The following STAT5A variants were observed in gnomAD, a reference collection of about 807,000 sequenced individuals.
STAT5A encodes the protein epididymis secretory sperm binding protein.
STAT5A carries 26 observed loss-of-function variants against 100.2 expected under a neutral mutation model. The ratio of observed to expected loss-of-function variants is 0.26; its 90% confidence interval spans 0.19 to 0.36. STAT5A has a LOEUF of 0.36. Ranked by LOEUF, STAT5A falls within the 10% of genes least tolerant of loss-of-function variation. STAT5A has a pLI of 1.00. For missense variants in STAT5A, 634 were observed against 1,027.5 expected, an observed-to-expected ratio of 0.62 and a Z score of 5.24; for synonymous variants, 330 against 424.3, an observed-to-expected ratio of 0.78 and a Z score of 2.73.
Position 42,311,075 on chromosome 17 carries a change from G to A in STAT5A, c.*406G>A. The A allele has an allele frequency of 4.3e-6, 1 of 231,502 alleles. No individual in the cohort carries two copies. Among genetic ancestry groups the A allele is most frequent in the Admixed American group, 4.8e-5 (1 of 20,988 alleles). The allele number at this position is 231,502 out of a possible 1,614,324, so 14.3% of individuals were successfully genotyped here. ...CTGAAGTTTCACTCCGGAGTGAGAAGCTTTGCCCTCCTAAGAGAGAGAGAC... is the reference window on the plus strand; with the variant it reads ...CTGAAGTTTCACTCCGGAGTGAGAAACTTTGCCCTCCTAAGAGAGAGAGAC... On this transcript the variant is annotated 3_prime_UTR_variant, in exon 19 of 19. Transcript: ENST00000590949.
At chr17:42,298,152 G>C (rs9916125) in intron 5 of STAT5A, among the ~76,000 whole-genome samples, 38,317 of 150,422 alleles carry the variant, frequency 0.25, 5,663 homozygotes, top group African/African-American at 0.41. Context: ...TGTGTCTTAC[G>C]TATTTCATAA....
Position 42,304,896 on chromosome 17 carries a change from C to CTG in STAT5A, c.1380+247_1380+248dup, listed in dbSNP as rs1234058068. On this transcript the variant is annotated intron_variant, in intron 11 of 18. Transcript: ENST00000590949. This position sits in a 1 kb window ranked among gnomAD's most constrained non-coding sequence, Gnocchi z 4.8. Reference sequence around the variant, plus strand: ...TGCTGGGAGGGGCTTGTGTTTGGAACTGTGGGTGAGGAAAGTGGGTTGGGA... The same window carrying CTG: ...TGCTGGGAGGGGCTTGTGTTTGGAACTGTGTGGGTGAGGAAAGTGGGTTGGGA... 1.3e-5 allele frequency among the ~76,000 whole-genome samples: 2 copies of CTG among 152,162 alleles called. No individual in the cohort carries two copies. The highest frequency in any genetic ancestry group is 1.9e-4 in the East Asian group (1 of 5,188).
chr17:42,299,270 G>A (rs1464760201), intron 5 of STAT5A, among the ~76,000 whole-genome samples: 2 of 152,190 alleles, frequency 1.3e-5, no homozygotes, highest in African/African-American at 4.8e-5. Context: ...CATCTTCCAT[G>A]TCCTCATGTA....
rs1275760785 is a variant in STAT5A, at chr17:42,289,365, T to C, written c.-10-37T>C. 3.2e-6 allele frequency: 5 copies of C among 1,567,330 alleles called. No individual in the cohort carries two copies. The Admixed American group carries it at 9.1e-5, about 29-fold the overall frequency. On this transcript the variant is annotated intron_variant, in intron 1 of 18. Transcript: ENST00000590949. ...GGGGCAGGCCCGGTTCCTTGGCCTCTGCAGAGGAGAGCGCTTCAGCGCTCG... is the reference window on the plus strand; with the variant it reads ...GGGGCAGGCCCGGTTCCTTGGCCTCCGCAGAGGAGAGCGCTTCAGCGCTCG...
At position 42,300,360 on chromosome 17, in the gene STAT5A, TC is replaced by T. The variant is rs2080965020; in HGVS notation, c.833+81del. 7 of 1,519,224 alleles carry T rather than the reference TC, an allele frequency of 4.6e-6. No homozygotes were observed. In the South Asian group the frequency reaches 8.6e-5, roughly 19 times the overall value. The allele number at this position is 1,519,224 out of a possible 1,614,324, so 94.1% of individuals were successfully genotyped here. A position where few individuals can be genotyped will look rare whatever the true frequency, so the allele number is the denominator to read the frequency against. ...GGCTGCTTCTGCGTCCTGTGCTGGC[TC>T]CTGCAGCAGGCCCCCTCCATCCTGG... is the stretch of plus-strand genomic sequence containing the variant. On this transcript the variant is annotated intron_variant, in intron 7 of 18. Transcript: ENST00000590949.
At chr17:42,290,676 CA>C (rs1334994247) in intron 3 of STAT5A, among the ~76,000 whole-genome samples, 1 of 152,166 alleles carries the variant, frequency 6.6e-6, no homozygotes, top group African/African-American at 2.4e-5. Flanking sequence ...TATAGGAGGC[CA>C]GGGGCAGGAT....
intron 5 of STAT5A, among the ~76,000 whole-genome samples, chr17:42,297,511 C>G (rs2144519414): frequency 6.6e-6 from 1 of 152,054 alleles, no homozygotes; most frequent in African/African-American, 2.4e-5. Flanking sequence ...TCAGCAGAAA[C>G]ACAGACTATT....
chr17:42,310,727 G>T lies in STAT5A; in HGVS notation c.*58G>T. 1.2e-6 allele frequency: 2 copies of T among 1,608,332 alleles called. No individual in the cohort carries two copies. The highest frequency in any genetic ancestry group is 1.7e-6 in the Non-Finnish European group (2 of 1,176,526). On this transcript the variant is annotated 3_prime_UTR_variant, in exon 19 of 19. Transcript: ENST00000590949. Reference sequence around the variant, plus strand: ...ATATGCAATGTGAAGCGGTCGTGTTGTGAGTTTAGTAAGGCTGTGTACACT... The same window carrying T: ...ATATGCAATGTGAAGCGGTCGTGTTTTGAGTTTAGTAAGGCTGTGTACACT...
intron 17 of STAT5A, 48 bp from the exon 18 acceptor site, chr17:42,309,329 T>C: frequency 6.2e-7 from 1 of 1,604,740 alleles, no homozygotes; most frequent in Non-Finnish European, 8.5e-7. Context: ...CCAAGTCAGC[T>C]GCCCCGGCCT....
intron 4 of STAT5A, among the ~76,000 whole-genome samples, chr17:42,292,786 C>T (rs2080883440): frequency 6.6e-6 from 1 of 151,946 alleles, no homozygotes; most frequent in African/African-American, 2.4e-5. Flanking sequence ...ACCACCATGC[C>T]CGGCTAATTT....
chr17:42,307,094 C>A (rs2081036458), intron 13 of STAT5A, among the ~76,000 whole-genome samples: 1 of 152,130 alleles, frequency 6.6e-6, no homozygotes, highest in African/African-American at 2.4e-5. Flanking sequence ...AGTTTCCCCA[C>A]CTGTAAAATG....
chr17:42,292,677 A>G (rs1006750963), intron 4 of STAT5A, among the ~76,000 whole-genome samples: 2 of 146,178 alleles, frequency 1.4e-5, no homozygotes, highest in African/African-American at 5.1e-5. Flanking sequence ...CCCAGGCTGG[A>G]GTGCAGTGAT....
chr17:42,310,574 G>T lies in STAT5A; in HGVS notation c.2290G>T (p.Val764Leu), dbSNP rs1029737475. Residue 764 changes from valine (V) to leucine (L), a missense_variant, in exon 19 of 19, where the codon GTG becomes TTG. By Grantham distance (32) the Val-to-Leu change is conservative. Transcript: ENST00000590949. ...TGAGACCATGGATGTGGCCAGGCACGTGGAGGAACTCTTACGCCGACCAAT... is the reference window on the plus strand; with the variant it reads ...TGAGACCATGGATGTGGCCAGGCACTTGGAGGAACTCTTACGCCGACCAAT... ...LDETMDVARH[V>L]EELLRRPMDS... 1 of 1,614,234 alleles carries T rather than the reference G, an allele frequency of 6.2e-7. No individual in the cohort carries two copies. The highest frequency in any genetic ancestry group is 1.7e-5 in the Admixed American group (1 of 60,034).
At position 42,304,739 on chromosome 17, in the gene STAT5A, A is replaced by G; in HGVS notation, c.1380+87A>G. 2.5e-6 allele frequency: 4 copies of G among 1,577,036 alleles called. No homozygotes were observed. The highest frequency in any genetic ancestry group is 1.2e-5 in the South Asian group (1 of 84,202). ...CCTCAGGACTCCTGGCAGCAATGCCATCGGACAGCCTGCTTTGACTCTGTG... is the reference window on the plus strand; with the variant it reads ...CCTCAGGACTCCTGGCAGCAATGCCGTCGGACAGCCTGCTTTGACTCTGTG... On this transcript the variant is annotated intron_variant, in intron 11 of 18. Transcript: ENST00000590949. This position sits in a 1 kb window ranked among gnomAD's most constrained non-coding sequence, Gnocchi z 4.8.
In STAT5A at chr17:42,308,260, G is replaced by A; in HGVS notation, c.1989G>A (p.Leu663=). 6.2e-7 allele frequency: 1 copy of A among 1,614,204 alleles called. No homozygotes were observed. The highest frequency in any genetic ancestry group is 8.5e-7 in the Non-Finnish European group (1 of 1,180,034). Residue 663 remains leucine, a synonymous_variant, in exon 16 of 19, where the codon CTG becomes CTA. Transcript: ENST00000590949. This position sits in a 1 kb window ranked among gnomAD's most constrained non-coding sequence, Gnocchi z 4.6. ...IRSLADRLGD[L]SYLIYVFPDR... ...CCCTGGCTGACCGGCTGGGGGACCT[G>A]AGCTATCTCATCTATGTGTTTCCTG...
At position 42,307,513 on chromosome 17, in the gene STAT5A, G is replaced by T. The variant is rs1317929846; in HGVS notation, c.1775+17G>T. 6.2e-7 allele frequency: 1 copy of T among 1,613,980 alleles called. No homozygotes were observed. The highest frequency in any genetic ancestry group is 8.5e-7 in the Non-Finnish European group (1 of 1,180,012). On this transcript the variant is annotated intron_variant, in intron 14 of 18. Coordinates refer to ENST00000590949, the MANE Select transcript of STAT5A (RefSeq NM_001288718.2). The stretch of plus-strand genomic sequence containing the variant: ...GAATGATGGGTAAGGAACGGGGGCT[G>T]CAGGGTCAGGGGCCAGCTGTGGGCG...
chr17:42,291,922 C>G (rs768191125), intron 3 of STAT5A, 50 bp from the exon 4 acceptor site: 1 of 1,598,336 alleles, frequency 6.3e-7, no homozygotes, highest in Non-Finnish European at 8.6e-7. Flanking sequence ...ATGGGGCTGG[C>G]ATGGCTGGAG....
intron 11 of STAT5A, 71 bp from the exon 12 acceptor site, chr17:42,305,539 G>A (rs2081020090): frequency 1.6e-5 from 19 of 1,207,218 alleles, no homozygotes; most frequent in Non-Finnish European, 2.2e-5. Context: ...AAAGCAGATT[G>A]GGCATGTTGC....
chr17:42,303,261 A>G (rs2080998477), intron 9 of STAT5A, among the ~76,000 whole-genome samples: 2 of 151,976 alleles, frequency 1.3e-5, no homozygotes, highest in South Asian at 4.2e-4. Flanking sequence ...AAAAAAGTTT[A>G]CTGATTTCCT....
Sources: gnomAD v4.1 joint callset for allele counts (sites outside exome capture counted in the v4.1 genomes callset) on GRCh38, gnomAD v4.1.1 for gene constraint, Gnocchi (gnomAD v3.1) non-coding constraint, MANE v1.5 for transcripts, NCBI Gene and HGNC (gene_info 2026-07-23, HGNC 2026-07-21) for gene names.